The following SOX5 variants were observed in gnomAD, a reference collection of about 807,000 sequenced individuals.
The protein encoded by SOX5 is SRY-box transcription factor 5.
In SOX5, 9 loss-of-function variants were observed where a neutral mutation model predicts 92.0. The observed-to-expected ratio is 0.10, with a 90% CI of 0.06 to 0.17. The LOEUF is 0.17. SOX5 is among the 10% of genes least tolerant of loss of function. The probability of loss-of-function intolerance (pLI) is 1.00; values close to 1 mark genes in which losing one functional copy is unlikely to be tolerated. For synonymous variants in SOX5, 344 were observed against 336.3 expected (o/e 1.02, Z -0.25); for missense variants, 642 against 944.5 (o/e 0.68, Z 4.20).
intron 1 of SOX5, among the ~76,000 whole-genome samples, chr12:24,375,351 G>C (rs949089032): frequency 6.6e-6 from 1 of 152,166 alleles, no homozygotes; most frequent in Admixed American, 6.5e-5. Context: ...CGGGGAAATG[G>C]AAAAACTAAT....
chr12:23,919,085 A>T (rs1163866050), intron 1 of SOX5, among the ~76,000 whole-genome samples: 2 of 152,182 alleles, frequency 1.3e-5, no homozygotes, highest in Non-Finnish European at 2.9e-5. Context: ...TCAATGAGTA[A>T]TGAAGATGAC....
chr12:23,728,674 A>T (rs2093266079), intron 6 of SOX5, among the ~76,000 whole-genome samples: 1 of 152,148 alleles, frequency 6.6e-6, no homozygotes, highest in Non-Finnish European at 1.5e-5. Flanking sequence ...ACTGCAACTT[A>T]ATCATTCAAT....
At chr12:23,733,203 A>G (rs1191415359) in intron 6 of SOX5, among the ~76,000 whole-genome samples, 1 of 152,166 alleles carries the variant, frequency 6.6e-6, no homozygotes, top group Non-Finnish European at 1.5e-5. Context: ...ATCTAAAACT[A>G]TTGGCACACT....
intron 1 of SOX5, among the ~76,000 whole-genome samples, chr12:24,554,523 A>C (rs899124681): frequency 6.6e-6 from 1 of 152,078 alleles, no homozygotes; most frequent in African/African-American, 2.4e-5. Flanking sequence ...TTGTCTGAGG[A>C]ATGTGTCAAA....
chr12:23,929,741 T>C (rs187589016), intron 1 of SOX5, among the ~76,000 whole-genome samples: 13 of 152,036 alleles, frequency 8.6e-5, no homozygotes, highest in Admixed American at 6.6e-4. Flanking sequence ...TGATATTTAA[T>C]ACCTGTGAAA....
intron 2 of SOX5, among the ~76,000 whole-genome samples, chr12:24,310,282 T>A (rs538505472): frequency 6.6e-6 from 1 of 152,318 alleles, no homozygotes; most frequent in African/African-American, 2.4e-5. Context: ...AGATCGTACA[T>A]TTAAAATGTC....
At chr12:23,884,962 T>C (rs2097047051) in intron 2 of SOX5, among the ~76,000 whole-genome samples, 1 of 152,228 alleles carries the variant, frequency 6.6e-6, no homozygotes, top group African/African-American at 2.4e-5. Flanking sequence ...AGATCGGCTA[T>C]AAGATATATT....
intron 4 of SOX5, among the ~76,000 whole-genome samples, chr12:24,105,294 AT>A (rs202237353): frequency 0.011 from 1,618 of 152,258 alleles, 35 homozygotes; most frequent in African/African-American, 0.037. Flanking sequence ...TAATCCCAGC[AT>A]TTTGGGATGT....
intron 4 of SOX5, among the ~76,000 whole-genome samples, chr12:24,192,155 A>C (rs141251818): frequency 5.3e-4 from 80 of 152,336 alleles, no homozygotes; most frequent in African/African-American, 1.9e-3. Context: ...TGAGACAGGG[A>C]AGCTAAGCAA....
intron 3 of SOX5, among the ~76,000 whole-genome samples, chr12:23,775,313 A>T (rs951275765): frequency 6.6e-6 from 1 of 152,206 alleles, no homozygotes; most frequent in African/African-American, 2.4e-5. Flanking sequence ...GGTAACATTA[A>T]CATCATCTCC....
At chr12:24,163,135 A>G (rs1016982346) in intron 4 of SOX5, among the ~76,000 whole-genome samples, 1 of 152,172 alleles carries the variant, frequency 6.6e-6, no homozygotes, top group African/African-American at 2.4e-5. Context: ...AGAGAAGGAT[A>G]GTCCTGGAAG....
At chr12:23,987,615 A>G (rs1950176364) in intron 4 of SOX5, among the ~76,000 whole-genome samples, 1 of 152,166 alleles carries the variant, frequency 6.6e-6, no homozygotes, top group Non-Finnish European at 1.5e-5. Context: ...CAACATAGCA[A>G]AACCCCATCT....
intron 4 of SOX5, among the ~76,000 whole-genome samples, chr12:24,074,906 GTTTTT>G (rs142927585): frequency 2.0e-5 from 3 of 146,554 alleles, no homozygotes; most frequent in African/African-American, 7.5e-5. Context: ...GTTTTATTTT[GTTTTT>G]TTTTTAACTC....
chr12:24,042,943 T>C (rs1956657068), intron 4 of SOX5, among the ~76,000 whole-genome samples: 2 of 152,202 alleles, frequency 1.3e-5, no homozygotes, highest in Non-Finnish European at 2.9e-5. Flanking sequence ...TCTCAAAGAA[T>C]GTATTGTTTA....
intron 1 of SOX5, among the ~76,000 whole-genome samples, chr12:24,426,799 C>T (rs996541570): frequency 1.3e-5 from 2 of 152,158 alleles, no homozygotes; most frequent in Non-Finnish European, 2.9e-5. Flanking sequence ...CTCGGGGAAT[C>T]TTCTCTATGG....
At chr12:24,352,156 T>C (rs1267042121) in intron 2 of SOX5, among the ~76,000 whole-genome samples, 1 of 152,198 alleles carries the variant, frequency 6.6e-6, no homozygotes, top group Non-Finnish European at 1.5e-5. Flanking sequence ...TAGCAATGAA[T>C]GGGCAGGTGT....
chr12:24,200,404 T>G (rs1285832165), intron 4 of SOX5, among the ~76,000 whole-genome samples: 1 of 152,184 alleles, frequency 6.6e-6, no homozygotes, highest in Non-Finnish European at 1.5e-5. Flanking sequence ...TTATAAATCT[T>G]GGGTTTGAAA....
chr12:24,361,427 G>A (rs1955538986), intron 2 of SOX5, among the ~76,000 whole-genome samples: 1 of 152,090 alleles, frequency 6.6e-6, no homozygotes, highest in South Asian at 2.1e-4. Context: ...TTCCTCAGCT[G>A]AAAAAGTGGG....
chr12:23,654,370 T>A (rs533033726), intron 7 of SOX5, among the ~76,000 whole-genome samples: 11 of 152,110 alleles, frequency 7.2e-5, no homozygotes, highest in Non-Finnish European at 1.5e-4. Flanking sequence ...ACTTCCAAAG[T>A]CTTAAAATGA....
Sources: allele counts gnomAD v4.1 joint callset (sites outside exome capture counted in the v4.1 genomes callset), GRCh38; gene constraint gnomAD v4.1.1; transcripts MANE v1.5; gene names NCBI Gene and HGNC (gene_info 2026-07-23, HGNC 2026-07-21).